Variants in CNNM2 observed in about 807,000 individuals in gnomAD.
CNNM2 encodes cyclin and CBS domain divalent metal cation transport mediator 2.
A neutral mutation model predicts 66.9 loss-of-function variants in CNNM2; 12 were observed. That is an observed-to-expected ratio of 0.18 (90% CI 0.11 to 0.29). The LOEUF (loss-of-function observed/expected upper bound fraction) is 0.29. Ranked by LOEUF, CNNM2 falls within the 10% of genes least tolerant of loss-of-function variation. The probability of loss-of-function intolerance (pLI) is 1.00; values close to 1 mark genes in which losing one functional copy is unlikely to be tolerated. For missense variants in CNNM2, 705 were observed against 1,167.7 expected, an observed-to-expected ratio of 0.60 and a Z score of 5.77; for synonymous variants, 557 against 501.8, an observed-to-expected ratio of 1.11 and a Z score of -1.47.
Position 103,054,405 on chromosome 10 carries a change from T to C in CNNM2, c.1842T>C (p.Ser614=), listed in dbSNP as rs2275271. The part of the protein sequence containing the change: ...QDFSAFKQTD[S]EMKVKISPQL... ...TTTCTGCCTTTAAGCAGACAGACAG[T>C]GAGATGAAGGTTAAAATATCACCAC... is the stretch of plus-strand genomic sequence containing the variant. The change falls in exon 3 of 8, where the codon AGT becomes AGC. Residue 614 remains serine (S), a synonymous_variant. Transcript: ENST00000369878. This position sits in a 1 kb window ranked among gnomAD's most constrained non-coding sequence, Gnocchi z 5.2. The C allele has an allele frequency of 0.4, 648,863 of 1,613,048 alleles. 131,720 individuals carry two copies. The highest frequency in any genetic ancestry group is 0.51 in the East Asian group (22,830 of 44,846).
Position 103,078,614 on chromosome 10 carries a change from C to T in CNNM2, c.*1434C>T, listed in dbSNP as rs1271678477. On this transcript the variant is annotated 3_prime_UTR_variant, in exon 8 of 8. Coordinates refer to ENST00000369878, the MANE Select transcript of CNNM2 (RefSeq NM_017649.5). Reference sequence around the variant, plus strand: ...TATAGCTTATCTGTGTTTTGTTAGCCCGAGGGATATGTGCAGGTTGTTGGC... The same window carrying T: ...TATAGCTTATCTGTGTTTTGTTAGCTCGAGGGATATGTGCAGGTTGTTGGC... 2 of 152,110 alleles carry T rather than the reference C, an allele frequency of 1.3e-5. No individual in the cohort carries two copies. The highest frequency in any genetic ancestry group is 2.9e-5 in the Non-Finnish European group (2 of 68,028). 9.4% of individuals were successfully genotyped at this position (152,110 alleles called of 1,614,324 possible).
intron 4 of CNNM2, among the ~76,000 whole-genome samples, chr10:103,061,888 C>A (rs983346921): frequency 1.3e-5 from 2 of 152,068 alleles, no homozygotes; most frequent in Non-Finnish European, 2.9e-5. Flanking sequence ...ATATTTATAT[C>A]AGTAGATGTC....
At chr10:102,928,174 C>T (rs1273029689) in intron 1 of CNNM2, among the ~76,000 whole-genome samples, 1 of 152,116 alleles carries the variant, frequency 6.6e-6, no homozygotes, top group Non-Finnish European at 1.5e-5. Flanking sequence ...CTAACAGTAC[C>T]TGGCACTTTG....
At chr10:103,010,302 A>G (rs373622380) in intron 1 of CNNM2, among the ~76,000 whole-genome samples, 2 of 151,930 alleles carry the variant, frequency 1.3e-5, no homozygotes, top group Non-Finnish European at 2.9e-5. Context: ...CAGTGGTGCA[A>G]TCATGGCGCA....
chr10:102,997,670 A>G (rs1393173466), intron 1 of CNNM2, among the ~76,000 whole-genome samples: 1 of 152,160 alleles, frequency 6.6e-6, no homozygotes, highest in Non-Finnish European at 1.5e-5. Flanking sequence ...TAAGAAAAAG[A>G]CCCAAATAAT....
intron 1 of CNNM2, among the ~76,000 whole-genome samples, chr10:102,922,901 C>A: frequency 6.9e-6 from 1 of 144,986 alleles, no homozygotes. Context: ...GAGATGGTGC[C>A]ATTGCACTAC....
chr10:103,020,906 G>A (rs1200991303), intron 1 of CNNM2, among the ~76,000 whole-genome samples: 1 of 152,138 alleles, frequency 6.6e-6, no homozygotes, highest in Non-Finnish European at 1.5e-5. Context: ...GGGGATGTTT[G>A]GAAGTGAGAT....
chr10:103,062,901 T>G (rs1289660931), intron 4 of CNNM2, among the ~76,000 whole-genome samples: 1 of 152,232 alleles, frequency 6.6e-6, no homozygotes, highest in Non-Finnish European at 1.5e-5. Context: ...GATTCACCTG[T>G]GGGTCTTGTT....
chr10:102,934,444 C>A (rs1385343895), intron 1 of CNNM2, among the ~76,000 whole-genome samples: 3 of 151,738 alleles, frequency 2.0e-5, no homozygotes, highest in Non-Finnish European at 2.9e-5. Flanking sequence ...CCACACCTGG[C>A]TAATTTTTGT....
Position 103,054,238 on chromosome 10 carries a change from T to C in CNNM2, c.1766-91T>C. The C allele has an allele frequency of 7.0e-7, 1 of 1,419,446 alleles. No homozygotes were observed. The highest frequency in any genetic ancestry group is 9.6e-7 in the Non-Finnish European group (1 of 1,039,454). 87.9% of individuals were successfully genotyped at this position (1,419,446 alleles called of 1,614,324 possible). ...TGCATCTGGAAATACAGTCCAGCTC[T>C]TCCAATATATTTTGTCTTTTTCATT... On this transcript the variant is annotated intron_variant, in intron 2 of 7. Coordinates refer to ENST00000369878, the MANE Select transcript of CNNM2 (RefSeq NM_017649.5). This position sits in a 1 kb window ranked among gnomAD's most constrained non-coding sequence, Gnocchi z 5.2.
chr10:103,060,532 G>A (rs997462535), intron 4 of CNNM2, among the ~76,000 whole-genome samples: 2 of 152,148 alleles, frequency 1.3e-5, no homozygotes, highest in African/African-American at 4.8e-5. Flanking sequence ...GGGACAGAGT[G>A]AGACCCCCAT....
At chr10:103,012,417 C>T (rs564152798) in intron 1 of CNNM2, among the ~76,000 whole-genome samples, 79 of 152,016 alleles carry the variant, frequency 5.2e-4, no homozygotes, top group Admixed American at 9.8e-4. Context: ...AGGCCGAGGC[C>T]GGCAGACCAC....
chr10:102,975,463 G>A (rs886509963), intron 1 of CNNM2, among the ~76,000 whole-genome samples: 9 of 68,218 alleles, frequency 1.3e-4, no homozygotes, highest in Non-Finnish European at 2.1e-4. Context: ...CTGTGGGATG[G>A]AATTAGAAAA....
In CNNM2 at chr10:103,089,664, TTTCCTCCTTATTC is replaced by T; in HGVS notation, c.*12493_*12505del. Reference sequence around the variant, plus strand: ...TTTAATGGGTGCTTGGGGTTTTGGTTTTCCTCCTTATTCTTCCTCCTCCTCCTCCTCTTCATCA... The same window carrying T: ...TTTAATGGGTGCTTGGGGTTTTGGTTTTCCTCCTCCTCCTCCTCTTCATCA... On this transcript the variant is annotated 3_prime_UTR_variant, in exon 8 of 8. Coordinates refer to ENST00000369878, the MANE Select transcript of CNNM2 (RefSeq NM_017649.5). 6.3e-7 allele frequency: 1 copy of T among 1,585,106 alleles called. No individual in the cohort carries two copies. Among genetic ancestry groups the T allele is most frequent in the Non-Finnish European group, 8.6e-7 (1 of 1,165,916 alleles).
chr10:103,052,895 T>C (rs1225999301), intron 2 of CNNM2, among the ~76,000 whole-genome samples: 1 of 152,212 alleles, frequency 6.6e-6, no homozygotes, highest in Non-Finnish European at 1.5e-5. Context: ...CTGTATTGAT[T>C]TCTACTGTCT....
At position 103,080,694 on chromosome 10, in the gene CNNM2, T is replaced by G. The variant is rs1211520827; in HGVS notation, c.*3514T>G. ...ACTAATACGGAACAGTAACTGTGAG[T>G]ATATTTACCTGTGCTGTCGTCAGCA... On this transcript the variant is annotated 3_prime_UTR_variant, in exon 8 of 8. Coordinates refer to ENST00000369878, the MANE Select transcript of CNNM2 (RefSeq NM_017649.5). 1 of 152,196 alleles carries G rather than the reference T, an allele frequency of 6.6e-6. No individual in the cohort carries two copies. 9.4% of individuals were successfully genotyped at this position (152,196 alleles called of 1,614,324 possible). A position where few individuals can be genotyped will look rare whatever the true frequency, so the allele number is the denominator to read the frequency against.
intron 1 of CNNM2, among the ~76,000 whole-genome samples, chr10:102,936,226 C>A (rs1846235694): frequency 6.6e-6 from 1 of 152,176 alleles, no homozygotes; most frequent in African/African-American, 2.4e-5. Flanking sequence ...TCCTCAGAAT[C>A]ATTCAAGAGA....
chr10:102,964,931 A>G (rs2063437115), intron 1 of CNNM2, among the ~76,000 whole-genome samples: 1 of 152,156 alleles, frequency 6.6e-6, no homozygotes. Context: ...TGAAGCCCTC[A>G]TAAAAGAGGC....
chr10:102,994,232 C>T (rs1424096715), intron 1 of CNNM2, among the ~76,000 whole-genome samples: 3 of 152,140 alleles, frequency 2.0e-5, no homozygotes, highest in South Asian at 2.1e-4. Flanking sequence ...CTACCGCACC[C>T]GGCTCAAAAT....
Sources: gnomAD v4.1 joint callset for allele counts (sites outside exome capture counted in the v4.1 genomes callset) on GRCh38, gnomAD v4.1.1 for gene constraint, Gnocchi (gnomAD v3.1) non-coding constraint, MANE v1.5 for transcripts, NCBI Gene and HGNC (gene_info 2026-07-23, HGNC 2026-07-21) for gene names.